The following RARB variants were observed in gnomAD, a reference collection of about 807,000 sequenced individuals.
The protein encoded by RARB is retinoic acid receptor beta.
RARB carries 17 observed loss-of-function variants against 51.9 expected under a neutral mutation model. The observed-to-expected ratio is 0.33, with a 90% CI of 0.22 to 0.49. The LOEUF is 0.49. RARB is among the 20% of genes least tolerant of loss of function. RARB has a pLI of 0.99. For missense variants in RARB, 369 were observed against 550.8 expected (o/e 0.67, Z 3.30); for synonymous variants, 215 against 195.4 (o/e 1.10, Z -0.84).
intron 3 of RARB, among the ~76,000 whole-genome samples, chr3:25,503,000 T>A (rs949507037): frequency 6.6e-6 from 1 of 152,222 alleles, no homozygotes; most frequent in Non-Finnish European, 1.5e-5. Flanking sequence ...TCCTCATGAA[T>A]GAGAATGGAC....
At chr3:25,309,419 G>C (rs112391609) in intron 5 of RARB, among the ~76,000 whole-genome samples, 1 of 147,062 alleles carries the variant, frequency 6.8e-6, no homozygotes. Flanking sequence ...GATAACAGGC[G>C]TGAGCCACCA....
At chr3:25,143,566 G>A (rs916060505) in intron 4 of RARB, among the ~76,000 whole-genome samples, 3 of 152,114 alleles carry the variant, frequency 2.0e-5, no homozygotes, top group South Asian at 4.1e-4. Flanking sequence ...TCAAGCTTAG[G>A]CACTCCTCCT....
chr3:25,403,393 T>G (rs1307142239), intron 5 of RARB, among the ~76,000 whole-genome samples: 1 of 152,090 alleles, frequency 6.6e-6, no homozygotes, highest in Non-Finnish European at 1.5e-5. Context: ...ATACTTACTG[T>G]GTACCCACAA....
intron 5 of RARB, among the ~76,000 whole-genome samples, chr3:25,190,231 C>T (rs1425780189): frequency 6.6e-6 from 1 of 151,966 alleles, no homozygotes; most frequent in Non-Finnish European, 1.5e-5. Context: ...ATCTAATTCT[C>T]TCTGGACATA....
At chr3:25,593,778 T>G in intron 6 of RARB, 71 bp downstream of exon 6, 1 of 1,455,486 alleles carries the variant, frequency 6.9e-7, no homozygotes, top group Admixed American at 1.9e-5. Context: ...TGTGAAAAAT[T>G]CCTCATTTCC....
At chr3:25,256,074 C>G (rs758528597) in intron 5 of RARB, among the ~76,000 whole-genome samples, 5 of 152,080 alleles carry the variant, frequency 3.3e-5, no homozygotes, top group Admixed American at 6.6e-5. Context: ...ACACATTGAA[C>G]AAATCTCCAA....
rs115780068 is a variant in RARB, at chr3:25,356,002, T to C, written c.179-105191T>C. Among the ~76,000 whole-genome samples, 259 of 152,238 alleles carry C rather than the reference T, an allele frequency of 1.7e-3. 1 individual carries two copies. The highest frequency in any genetic ancestry group is 5.7e-3 in the African/African-American group (238 of 41,556). On this transcript the variant is annotated intron_variant, in intron 5 of 11. Transcript: ENST00000383772. ...AAAATGCTCATATCATTTTTAGAAA[T>C]ATTCTTTTATTTTTAAAAATTCTCT...
chr3:25,341,411 A>T lies in RARB; in HGVS notation c.179-119782A>T, dbSNP rs189403708. Among the ~76,000 whole-genome samples the T allele has an allele frequency of 1.6e-4, 24 of 152,316 alleles. No individual in the cohort carries two copies. In the South Asian group the frequency reaches 1.7e-3, roughly 11 times the overall value. ...AAAAAGGTTGTGGAACTCATGGTTT[A>T]TTCAGGGTGAGAGCCAGAGAGAATT... On this transcript the variant is annotated intron_variant, in intron 5 of 11. Coordinates refer to the RARB transcript ENST00000383772.
chr3:25,446,473 C>A (rs951111625), intron 1 of RARB, among the ~76,000 whole-genome samples: 3 of 152,194 alleles, frequency 2.0e-5, no homozygotes, highest in Non-Finnish European at 4.4e-5. Flanking sequence ...TATTTCCTAT[C>A]TGACCATTTA....
intron 3 of RARB, among the ~76,000 whole-genome samples, chr3:25,525,475 C>T (rs1267211696): frequency 6.6e-6 from 1 of 152,208 alleles, no homozygotes; most frequent in Admixed American, 6.5e-5. Flanking sequence ...CCCCCCTCAG[C>T]AAACATAGCT....
intron 5 of RARB, among the ~76,000 whole-genome samples, chr3:25,207,318 T>C (rs1701575795): frequency 1.3e-5 from 2 of 152,198 alleles, no homozygotes; most frequent in African/African-American, 4.8e-5. Flanking sequence ...CGTATCTTCT[T>C]ATTCACTTAA....
Position 24,850,393 on chromosome 3 carries a change from C to T in RARB, c.-458-8281C>T, listed in dbSNP as rs375801126. On this transcript the variant is annotated intron_variant, in intron 1 of 11. Transcript: ENST00000383772. ...TTGGAAATGACACATATCACTTTAGCTTACATTTCATTGGCCAAAGCAAGT... is the reference window on the plus strand; with the variant it reads ...TTGGAAATGACACATATCACTTTAGTTTACATTTCATTGGCCAAAGCAAGT... 2.6e-5 allele frequency among the ~76,000 whole-genome samples: 4 copies of T among 152,276 alleles called. No individual in the cohort carries two copies. In the South Asian group the frequency reaches 8.3e-4, roughly 32 times the overall value.
At chr3:25,304,636 G>A (rs764787895) in intron 5 of RARB, among the ~76,000 whole-genome samples, 9 of 152,120 alleles carry the variant, frequency 5.9e-5, no homozygotes, top group Non-Finnish European at 1.3e-4. Context: ...CACTGATTCC[G>A]ACTTCCACCA....
chr3:25,012,012 G>C (rs1419047925), intron 2 of RARB, among the ~76,000 whole-genome samples: 1 of 152,012 alleles, frequency 6.6e-6, no homozygotes, highest in Non-Finnish European at 1.5e-5. Context: ...CACTGGATTG[G>C]AAATCCCACA....
rs555905442 is a variant in RARB at position 25,159,223 on chromosome 3, G to A, written c.-279-14896G>A. Among the ~76,000 whole-genome samples, 35 of 140,948 alleles carry A rather than the reference G, an allele frequency of 2.5e-4. 1 individual carries two copies. The highest frequency in any genetic ancestry group is 3.7e-3 in the Middle Eastern group (1 of 268). The allele number at this position is 140,948 out of a possible 152,430, so 92.5% of individuals were successfully genotyped here. ...TTGTTGCCCAGGCTAGAGTGCAATG[G>A]CGCGATCTCGGCTCACCACAACCTC... is the stretch of plus-strand genomic sequence containing the variant. On this transcript the variant is annotated intron_variant, in intron 4 of 11. Coordinates refer to the RARB transcript ENST00000383772.
Position 25,184,776 on chromosome 3 carries a change from C to G in RARB, c.178+10201C>G, listed in dbSNP as rs574418486. Among the ~76,000 whole-genome samples, 11 of 152,156 alleles carry G rather than the reference C, an allele frequency of 7.2e-5. No homozygotes were observed. In the East Asian group the frequency reaches 2.1e-3, roughly 30 times the overall value. ...GTATGGTGGCTCACACCTATACTCCCAGCGCTTTGCGGGACTGAGTCAGGA... is the reference window on the plus strand; with the variant it reads ...GTATGGTGGCTCACACCTATACTCCGAGCGCTTTGCGGGACTGAGTCAGGA... On this transcript the variant is annotated intron_variant, in intron 5 of 11. Coordinates refer to the RARB transcript ENST00000383772.
At chr3:24,862,740 C>T (rs934403204) in intron 2 of RARB, among the ~76,000 whole-genome samples, 2 of 152,214 alleles carry the variant, frequency 1.3e-5, no homozygotes, top group Non-Finnish European at 2.9e-5. Flanking sequence ...GAGGGGGCTA[C>T]TCTACTAAAC....
intron 3 of RARB, among the ~76,000 whole-genome samples, chr3:25,525,875 A>G (rs147615207): frequency 1.6e-4 from 25 of 152,338 alleles, no homozygotes; most frequent in African/African-American, 6.0e-4. Flanking sequence ...GAGCAGGCAG[A>G]TATCAAAGGA....
chr3:25,134,136 A>C (rs901390492), intron 4 of RARB, among the ~76,000 whole-genome samples: 3 of 151,948 alleles, frequency 2.0e-5, no homozygotes, highest in Admixed American at 2.0e-4. Context: ...TGGTTACTGG[A>C]AATTTACTTA....
Sources: gnomAD v4.1 joint callset for allele counts (sites outside exome capture counted in the v4.1 genomes callset) on GRCh38, gnomAD v4.1.1 for gene constraint, MANE v1.5 for transcripts, NCBI Gene and HGNC (gene_info 2026-07-23, HGNC 2026-07-21) for gene names.